LARP4: variants seen among roughly 807,000 people sequenced by gnomAD.
LARP4 encodes the protein la-related protein 4.
In LARP4, 29 loss-of-function variants were observed where a neutral mutation model predicts 92.9. That is an observed-to-expected ratio of 0.31 (90% confidence interval 0.23 to 0.43). The LOEUF is 0.43. Among genes scored for constraint, LARP4 ranks in the 20% least tolerant of loss-of-function variants. The pLI, the probability that LARP4 is intolerant of heterozygous loss-of-function variation, is 1.00. For missense variants in LARP4, 732 were observed against 860.0 expected, an observed-to-expected ratio of 0.85 and a Z score of 1.86; for synonymous variants, 279 against 284.1, an observed-to-expected ratio of 0.98 and a Z score of 0.18.
chr12:50,410,422 T>C (rs1174041475), intron 1 of LARP4, among the ~76,000 whole-genome samples: 8 of 151,348 alleles, frequency 5.3e-5, no homozygotes, highest in Admixed American at 5.3e-4. Context: ...TTTTTTTTTT[T>C]TTTGAGATGG....
At chr12:50,433,256 C>G (rs1434704193) in intron 4 of LARP4, among the ~76,000 whole-genome samples, 1 of 141,162 alleles carries the variant, frequency 7.1e-6, no homozygotes, top group Non-Finnish European at 1.5e-5. Flanking sequence ...TTTCCCAGAT[C>G]TCCAAAAACG....
At chr12:50,459,903 C>A (rs551933284) in intron 10 of LARP4, among the ~76,000 whole-genome samples, 42 of 150,628 alleles carry the variant, frequency 2.8e-4, no homozygotes, top group South Asian at 1.9e-3. Flanking sequence ...CTTTGGGAGG[C>A]CAAGGTGGGC....
In LARP4 at chr12:50,478,721, GC is replaced by G. The variant is rs763518740; in HGVS notation, c.*2858del. 17 of 152,234 alleles carry G rather than the reference GC, an allele frequency of 1.1e-4. No homozygotes were observed. Among genetic ancestry groups the G allele is most frequent in the Non-Finnish European group, 2.4e-4 (16 of 67,986 alleles). The allele number at this position is 152,234 out of a possible 1,614,324, so 9.4% of individuals were successfully genotyped here. A position where few individuals can be genotyped will look rare whatever the true frequency, so the allele number is the denominator to read the frequency against. ...CATAGAGAAGGTACATAGAGACATT[GC>G]AAAACCTGTCTCCATTTGCTATCCT... On this transcript the variant is annotated 3_prime_UTR_variant, in exon 16 of 16. Transcript: ENST00000398473.
At chr12:50,457,722 G>A (rs1352894391) in intron 10 of LARP4, among the ~76,000 whole-genome samples, 5 of 151,690 alleles carry the variant, frequency 3.3e-5, no homozygotes. Context: ...ACTGAGGTGG[G>A]AGGATAGCTT....
intron 7 of LARP4, 160 bp from the exon 8 acceptor site, chr12:50,441,430 G>GC (rs774775011): frequency 1.2e-5 from 6 of 492,308 alleles, no homozygotes; most frequent in Non-Finnish European, 2.2e-5. Flanking sequence ...GATTGAGAAG[G>GC]CGTTACATTT....
chr12:50,473,864 C>A (rs1385595688), intron 14 of LARP4, 135 bp from the exon 15 acceptor site: 50 of 593,930 alleles, frequency 8.4e-5, no homozygotes, highest in Admixed American at 2.9e-4. Flanking sequence ...GAGCCAAGAG[C>A]ATGCCACTAC....
At chr12:50,458,220 T>C (rs984057051) in intron 10 of LARP4, among the ~76,000 whole-genome samples, 4 of 152,128 alleles carry the variant, frequency 2.6e-5, no homozygotes, top group Non-Finnish European at 5.9e-5. Context: ...GTTACAGATA[T>C]GAGCCACTGA....
chr12:50,467,153 A>T, intron 13 of LARP4, 33 bp downstream of exon 13: 1 of 1,542,972 alleles, frequency 6.5e-7, no homozygotes, highest in East Asian at 2.3e-5. Flanking sequence ...TTACCTTATG[A>T]GACCATATTT....
chr12:50,425,352 T>C (rs112262575), intron 1 of LARP4, among the ~76,000 whole-genome samples: 19 of 152,320 alleles, frequency 1.2e-4, no homozygotes, highest in African/African-American at 4.6e-4. Context: ...TTGATCTCTG[T>C]TTCTGAGAGC....
At chr12:50,454,507 A>T in intron 10 of LARP4, 90 bp downstream of exon 10, 1 of 962,248 alleles carries the variant, frequency 1.0e-6, no homozygotes, top group South Asian at 1.6e-5. Flanking sequence ...CAGGCTCAGT[A>T]ATAAGGTTTG....
At chr12:50,414,327 G>A (rs1004254233) in intron 1 of LARP4, among the ~76,000 whole-genome samples, 2 of 151,976 alleles carry the variant, frequency 1.3e-5, no homozygotes, top group South Asian at 2.1e-4. Flanking sequence ...CTGTTGAGAC[G>A]GGGTCTTGCT....
chr12:50,426,736 T>TGG, intron 1 of LARP4, among the ~76,000 whole-genome samples: 3 of 142,346 alleles, frequency 2.1e-5, no homozygotes, highest in African/African-American at 5.2e-5. Context: ...TGTGTGGTTT[T>TGG]TTTTTTTTTT....
At chr12:50,458,683 C>T (rs1243356126) in intron 10 of LARP4, among the ~76,000 whole-genome samples, 1 of 152,192 alleles carries the variant, frequency 6.6e-6, no homozygotes, top group African/African-American at 2.4e-5. Context: ...TCTTCTTAAT[C>T]TGTAGATCCA....
At chr12:50,410,165 T>TA (rs1466236008) in intron 1 of LARP4, among the ~76,000 whole-genome samples, 4 of 152,140 alleles carry the variant, frequency 2.6e-5, no homozygotes, top group South Asian at 2.1e-4. Context: ...TTCGTTTGTG[T>TA]AGTTAGCCAT....
At chr12:50,428,581 C>G (rs1365572670) in intron 2 of LARP4, among the ~76,000 whole-genome samples, 1 of 152,078 alleles carries the variant, frequency 6.6e-6, no homozygotes, top group Non-Finnish European at 1.5e-5. Context: ...ACTCACTGTT[C>G]GACCTTGGGC....
At chr12:50,450,730 A>G (rs1382764509) in intron 8 of LARP4, among the ~76,000 whole-genome samples, 1 of 151,898 alleles carries the variant, frequency 6.6e-6, no homozygotes, top group African/African-American at 2.4e-5. Flanking sequence ...TTGACTCCTG[A>G]CCTCAGGTGA....
chr12:50,434,790 A>G (rs1030489400), intron 4 of LARP4, among the ~76,000 whole-genome samples: 1 of 151,882 alleles, frequency 6.6e-6, no homozygotes, highest in African/African-American at 2.4e-5. Context: ...CACGCCTGTA[A>G]TCCCAGCACT....
At chr12:50,424,335 A>T (rs1592932211) in intron 1 of LARP4, among the ~76,000 whole-genome samples, 1 of 150,774 alleles carries the variant, frequency 6.6e-6, no homozygotes, top group African/African-American at 2.4e-5. Flanking sequence ...ACGCCACTGC[A>T]CTCCAGCCTG....
At chr12:50,473,127 CTT>C (rs1957120539) in intron 13 of LARP4, among the ~76,000 whole-genome samples, 1 of 152,078 alleles carries the variant, frequency 6.6e-6, no homozygotes, top group Non-Finnish European at 1.5e-5. Context: ...GCCTATTTAA[CTT>C]TTTAAGGAAC....
Sources: allele counts gnomAD v4.1 joint callset (sites outside exome capture counted in the v4.1 genomes callset), GRCh38; gene constraint gnomAD v4.1.1; transcripts MANE v1.5; gene names NCBI Gene and HGNC (gene_info 2026-07-23, HGNC 2026-07-21).